Variants in OSBPL2 observed in about 807,000 individuals in gnomAD.
OSBPL2 encodes oxysterol binding protein like 2.
In OSBPL2, 18 loss-of-function variants were observed where a neutral mutation model predicts 58.4. The observed-to-expected ratio is 0.31, with a 90% CI of 0.21 to 0.46. The LOEUF (loss-of-function observed/expected upper bound fraction) is 0.46. OSBPL2 is among the 20% of genes least tolerant of loss of function. The pLI is 1.00. For missense variants in OSBPL2, 461 were observed against 616.5 expected, an observed-to-expected ratio of 0.75 and a Z score of 2.67; for synonymous variants, 221 against 234.1, an observed-to-expected ratio of 0.94 and a Z score of 0.51.
intron 12 of OSBPL2, 35 bp from the exon 13 acceptor site, chr20:62,291,666 GTC>G: frequency 6.3e-7 from 1 of 1,585,532 alleles, no homozygotes; most frequent in Non-Finnish European, 8.7e-7. Context: ...CGGTTCTAAG[GTC>G]TCTGTCTGAC....
chr20:62,265,964 A>T (rs1369295164), intron 4 of OSBPL2, among the ~76,000 whole-genome samples: 1 of 152,152 alleles, frequency 6.6e-6, no homozygotes, highest in African/African-American at 2.4e-5. Flanking sequence ...CTACAAAAAA[A>T]TTTAAAAGAT....
chr20:62,239,614 C>T (rs761289522), intron 1 of OSBPL2, among the ~76,000 whole-genome samples: 12 of 152,186 alleles, frequency 7.9e-5, no homozygotes, highest in East Asian at 1.9e-4. Flanking sequence ...AGACGTTTCT[C>T]GAATGCCTGC....
chr20:62,249,848 A>G (rs138852069), intron 1 of OSBPL2, among the ~76,000 whole-genome samples: 2,545 of 152,342 alleles, frequency 0.017, 81 homozygotes, highest in African/African-American at 0.057. Flanking sequence ...TGCTGGGATT[A>G]CAGGCCTGAG....
Position 62,291,780 on chromosome 20 carries a change from G to C in OSBPL2, c.1327G>C (p.Glu443Gln). 1 of 1,606,270 alleles carries C rather than the reference G, an allele frequency of 6.2e-7. No individual in the cohort carries two copies. Among genetic ancestry groups the C allele is most frequent in the South Asian group, 1.1e-5 (1 of 90,944 alleles). The change falls in exon 13 of 14, where the codon GAG (glutamate) becomes CAG (glutamine). Residue 443 changes from glutamate (E) to glutamine (Q), a missense_variant. Physicochemically the swap from Glu to Gln is conservative, Grantham distance 29. Transcript: ENST00000313733. ...ARRERAKEEAEWQTRWFYPGN... is the reference protein window; with the variant it reads ...ARRERAKEEAQWQTRWFYPGN... ...GAGGGAGCGGGCCAAGGAGGAGGCA[G>C]AGTGGCAGACGAGGTGAGTACTGTG...
chr20:62,270,100 T>G (rs898855199), intron 4 of OSBPL2, among the ~76,000 whole-genome samples: 11 of 152,198 alleles, frequency 7.2e-5, no homozygotes, highest in African/African-American at 2.7e-4. Context: ...CGCGTCCTTG[T>G]GGTGCTGTGC....
At chr20:62,278,954 G>A (rs1376479875) in intron 6 of OSBPL2, 11 of 556,216 alleles carry the variant, frequency 2.0e-5, no homozygotes, top group Non-Finnish European at 3.2e-5. Flanking sequence ...CAAGTGCGAT[G>A]TCATGTTTGT....
intron 1 of OSBPL2, among the ~76,000 whole-genome samples, chr20:62,255,619 T>C (rs1018016743): frequency 5.3e-5 from 8 of 152,318 alleles, no homozygotes; most frequent in African/African-American, 1.9e-4. Context: ...TTCTCCTGCC[T>C]CACCCTCCCA....
intron 2 of OSBPL2, among the ~76,000 whole-genome samples, chr20:62,257,199 G>T (rs1466095227): frequency 6.6e-6 from 1 of 152,090 alleles, no homozygotes; most frequent in Non-Finnish European, 1.5e-5. Flanking sequence ...GCCCTGCCAG[G>T]GTGGGTGTGT....
Position 62,253,145 on chromosome 20 carries a change from G to C in OSBPL2, c.-128-2912G>C, listed in dbSNP as rs550254804. 6.6e-5 allele frequency among the ~76,000 whole-genome samples: 10 copies of C among 152,404 alleles called. No individual in the cohort carries two copies. In the East Asian group the frequency reaches 1.9e-3, roughly 29 times the overall value. ...GTCTCTCGGGGTTCAGTGCCTGGAT[G>C]TGTGAATTCTCCAGTGTCGTCTAAT... On this transcript the variant is annotated intron_variant, in intron 1 of 13. Coordinates refer to ENST00000313733, the MANE Select transcript of OSBPL2 (RefSeq NM_144498.4).
At chr20:62,261,520 A>G (rs2145934960) in intron 3 of OSBPL2, among the ~76,000 whole-genome samples, 1 of 151,924 alleles carries the variant, frequency 6.6e-6, no homozygotes, top group African/African-American at 2.4e-5. Context: ...CCACTCTGGC[A>G]CCCACATGTG....
At chr20:62,240,010 G>A (rs140701251) in intron 1 of OSBPL2, among the ~76,000 whole-genome samples, 819 of 152,140 alleles carry the variant, frequency 5.4e-3, no homozygotes, top group Non-Finnish European at 7.2e-3. Flanking sequence ...CGGCCACCAC[G>A]CCCGCCTAAT....
At chr20:62,251,164 C>T (rs1268059899) in intron 1 of OSBPL2, among the ~76,000 whole-genome samples, 17 of 150,832 alleles carry the variant, frequency 1.1e-4, no homozygotes, top group African/African-American at 4.1e-4. Flanking sequence ...CTGCCTCAGC[C>T]TCCTGAGTAG....
At chr20:62,286,916 C>T (rs945312009) in intron 11 of OSBPL2, among the ~76,000 whole-genome samples, 1 of 152,258 alleles carries the variant, frequency 6.6e-6, no homozygotes, top group Non-Finnish European at 1.5e-5. Flanking sequence ...GCTTGTCTGC[C>T]TTGGGGCCTG....
At chr20:62,282,106 C>T in intron 9 of OSBPL2, 1 of 362,168 alleles carries the variant, frequency 2.8e-6, no homozygotes, top group Non-Finnish European at 5.1e-6. Flanking sequence ...TTCTAGGTGG[C>T]TTGTTACTGG....
Position 62,293,903 on chromosome 20 carries a change from T to TG in OSBPL2, c.*20dup. On this transcript the variant is annotated 3_prime_UTR_variant, in exon 14 of 14. Transcript: ENST00000313733. Reference sequence around the variant, plus strand: ...TATCTACTGAGGGCCTGGAGGGGCCTGGGGCCCGGGACCGGAGGCTGACGA... The same window carrying TG: ...TATCTACTGAGGGCCTGGAGGGGCCTGGGGGCCCGGGACCGGAGGCTGACGA... The TG allele has an allele frequency of 6.2e-7, 1 of 1,611,822 alleles. No homozygotes were observed. Among genetic ancestry groups the TG allele is most frequent in the African/African-American group, 1.3e-5 (1 of 74,950 alleles).
At chr20:62,292,779 T>A (rs557282975) in intron 13 of OSBPL2, among the ~76,000 whole-genome samples, 2 of 152,186 alleles carry the variant, frequency 1.3e-5, no homozygotes, top group Admixed American at 6.5e-5. Flanking sequence ...TCTCACTGTT[T>A]GGGCTTCCAA....
At position 62,273,999 on chromosome 20, in the gene OSBPL2, G is replaced by A. The variant is rs977583370; in HGVS notation, c.491+593G>A. On this transcript the variant is annotated intron_variant, in intron 6 of 13. Transcript: ENST00000313733. ...CCTATGGAACTTTCTTCTAGGCAGCGTTGCCATCCCTTCCTAGAGTCTCCC... is the reference window on the plus strand; with the variant it reads ...CCTATGGAACTTTCTTCTAGGCAGCATTGCCATCCCTTCCTAGAGTCTCCC... 3.9e-4 allele frequency among the ~76,000 whole-genome samples: 59 copies of A among 152,108 alleles called. 1 individual carries two copies. The highest frequency in any genetic ancestry group is 2.5e-4 in the Non-Finnish European group (17 of 68,000).
chr20:62,251,977 G>A (rs1303474285), intron 1 of OSBPL2, among the ~76,000 whole-genome samples: 1 of 137,250 alleles, frequency 7.3e-6, no homozygotes, highest in Non-Finnish European at 1.5e-5. Flanking sequence ...GATGTCCCAG[G>A]CTCGAGTGAT....
chr20:62,251,358 A>G (rs1253695224), intron 1 of OSBPL2, among the ~76,000 whole-genome samples: 1 of 148,678 alleles, frequency 6.7e-6, no homozygotes, highest in African/African-American at 2.5e-5. Flanking sequence ...ACGCCCGGAC[A>G]ATTTTTTTTT....
Sources: allele counts gnomAD v4.1 joint callset (sites outside exome capture counted in the v4.1 genomes callset), GRCh38; gene constraint gnomAD v4.1.1; transcripts MANE v1.5; gene names NCBI Gene and HGNC (gene_info 2026-07-23, HGNC 2026-07-21).